SNAP91: variants seen among roughly 807,000 people sequenced by gnomAD.
SNAP91 encodes synaptosome associated protein 91, also known as clathrin coat assembly protein AP180.
In SNAP91, 27 loss-of-function variants were observed where a neutral mutation model predicts 100.3. The observed-to-expected ratio is 0.27, with a 90% confidence interval of 0.20 to 0.37. The LOEUF is 0.37. SNAP91 is among the 10% of genes least tolerant of loss of function. The pLI, the probability that SNAP91 is intolerant of heterozygous loss-of-function variation, is 1.00. For missense variants in SNAP91, 986 were observed against 1,123.7 expected (o/e 0.88, Z 1.75); for synonymous variants, 404 against 398.6 (o/e 1.01, Z -0.16).
In SNAP91 at chr6:83,657,516, G is replaced by T. The variant is rs539337777; in HGVS notation, c.547-651C>A. Among the ~76,000 whole-genome samples the T allele has an allele frequency of 7.2e-5, 11 of 152,286 alleles. No homozygotes were observed. The East Asian group carries it at 2.1e-3, about 29-fold the overall frequency. ...TAAAAGGCAATTCGACAGATACTTAGTGAAGTCCTTATCATAAAATCTGTT... is the reference window on the plus strand; with the variant it reads ...TAAAAGGCAATTCGACAGATACTTATTGAAGTCCTTATCATAAAATCTGTT... On this transcript the variant is annotated intron_variant, in intron 6 of 29. Coordinates refer to ENST00000369694, the MANE Select transcript of SNAP91 (RefSeq NM_001242792.2).
chr6:83,597,430 A>G (rs1004515341), intron 16 of SNAP91, among the ~76,000 whole-genome samples: 1 of 152,230 alleles, frequency 6.6e-6, no homozygotes, highest in Non-Finnish European at 1.5e-5. Flanking sequence ...ATTGCAAACT[A>G]AAGTTATTTC....
At chr6:83,677,758 G>A (rs2098930914) in intron 2 of SNAP91, among the ~76,000 whole-genome samples, 3 of 152,180 alleles carry the variant, frequency 2.0e-5, no homozygotes, top group South Asian at 4.1e-4. Flanking sequence ...CCTCTTTTGA[G>A]TGTTTTCTTA....
chr6:83,579,600 A>T (rs1052969554), intron 24 of SNAP91, among the ~76,000 whole-genome samples: 1 of 152,154 alleles, frequency 6.6e-6, no homozygotes, highest in Non-Finnish European at 1.5e-5. Context: ...ATTCAGAATT[A>T]AGAGCAAAGG....
intron 2 of SNAP91, among the ~76,000 whole-genome samples, chr6:83,694,384 T>C (rs2099168112): frequency 6.6e-6 from 1 of 152,164 alleles, no homozygotes. Flanking sequence ...TGACAGAATT[T>C]CTAGAAAGGA....
chr6:83,593,553 C>A lies in SNAP91; in HGVS notation c.1621G>T (p.Ala541Ser), dbSNP rs375944875. 1.9e-6 allele frequency: 3 copies of A among 1,553,720 alleles called. No homozygotes were observed. In the East Asian group the frequency reaches 7.3e-5, roughly 38 times the overall value. ...AAAAATTAAT[A>S]AATTTTTTSA... ...GTGGTGGTAGTGGTGGTGGCAGCGGCGGTGGCAGCAGTAGTGGCAGCAGCA... is the reference window on the plus strand; with the variant it reads ...GTGGTGGTAGTGGTGGTGGCAGCGGAGGTGGCAGCAGTAGTGGCAGCAGCA... Residue 541 changes from alanine (A) to serine (S), a missense_variant, in exon 18 of 30, where the codon GCC becomes TCC. Transcript: ENST00000369694.
chr6:83,652,020 T>C (rs1340744127), intron 7 of SNAP91, among the ~76,000 whole-genome samples: 1 of 152,198 alleles, frequency 6.6e-6, no homozygotes, highest in Non-Finnish European at 1.5e-5. Flanking sequence ...TAACTACTCT[T>C]GCTTTATTTT....
intron 2 of SNAP91, among the ~76,000 whole-genome samples, chr6:83,691,891 CAA>C (rs2099135244): frequency 6.6e-6 from 1 of 152,080 alleles, no homozygotes; most frequent in Non-Finnish European, 1.5e-5. Context: ...ACAGACACTC[CAA>C]AGTCATTTTT....
Position 83,592,517 on chromosome 6 carries a change from G to C in SNAP91, c.1868C>G (p.Ser623Cys). The C allele has an allele frequency of 6.2e-7, 1 of 1,609,758 alleles. No individual in the cohort carries two copies. The highest frequency in any genetic ancestry group is 1.1e-5 in the South Asian group (1 of 89,664). ...LLSVDAFAAP[S>C]PATTASPAKV... ...TGCTGGCGAGGCAGTGGTTGCAGGA[G>C]ATGGTGCTGCAAATGCATCCACTGC... Residue 623 changes from serine (S) to cysteine (C), a missense_variant, in exon 21 of 30, where the codon TCT (serine) becomes TGT (cysteine). Physicochemically the swap from Ser to Cys is moderately radical, Grantham distance 112. Transcript: ENST00000369694.
intron 2 of SNAP91, among the ~76,000 whole-genome samples, chr6:83,672,612 T>A (rs2098803808): frequency 6.6e-6 from 1 of 152,138 alleles, no homozygotes; most frequent in South Asian, 2.1e-4. Flanking sequence ...GGATCCCTAG[T>A]ACCTACCACA....
intron 13 of SNAP91, 91 bp from the exon 14 acceptor site, chr6:83,605,894 T>C (rs1562310162): frequency 9.6e-7 from 1 of 1,036,736 alleles, no homozygotes; most frequent in Non-Finnish European, 1.4e-6. Flanking sequence ...TCATCAAAGA[T>C]TTTAGGTATT....
chr6:83,677,052 GAA>G (rs2098918115), intron 2 of SNAP91, among the ~76,000 whole-genome samples: 1 of 152,110 alleles, frequency 6.6e-6, no homozygotes, highest in Admixed American at 6.6e-5. Flanking sequence ...CTGGAAAAAG[GAA>G]AGAAAAACAC....
intron 6 of SNAP91, among the ~76,000 whole-genome samples, chr6:83,658,666 G>A (rs1451869779): frequency 6.6e-6 from 1 of 152,054 alleles, no homozygotes; most frequent in African/African-American, 2.4e-5. Flanking sequence ...ATTTCTAACA[G>A]CAGGTCAAGT....
chr6:83,595,032 C>A (rs774506272), intron 16 of SNAP91, among the ~76,000 whole-genome samples: 12 of 152,088 alleles, frequency 7.9e-5, no homozygotes, highest in Non-Finnish European at 1.2e-4. Context: ...GTTTACTAAG[C>A]ATTCCTAAGT....
chr6:83,672,164 C>T (rs2098796965), intron 2 of SNAP91, among the ~76,000 whole-genome samples: 1 of 152,248 alleles, frequency 6.6e-6, no homozygotes, highest in East Asian at 1.9e-4. Flanking sequence ...CCTTTACGTG[C>T]TATTCTCATT....
At chr6:83,662,098 A>AACTGTGGG (rs1315913883) in intron 4 of SNAP91, among the ~76,000 whole-genome samples, 1 of 152,168 alleles carries the variant, frequency 6.6e-6, no homozygotes, top group Non-Finnish European at 1.5e-5. Flanking sequence ...CATAAAAAAC[A>AACTGTGGG]ACTGTGGGTC....
In SNAP91 at chr6:83,628,043, T is replaced by A. The variant is rs948879178; in HGVS notation, c.766-4701A>T. Among the ~76,000 whole-genome samples, 3 of 151,698 alleles carry A rather than the reference T, an allele frequency of 2.0e-5. No homozygotes were observed. The South Asian group carries it at 6.2e-4, about 31-fold the overall frequency. On this transcript the variant is annotated intron_variant, in intron 8 of 29. Coordinates refer to ENST00000369694, the MANE Select transcript of SNAP91 (RefSeq NM_001242792.2). The stretch of plus-strand genomic sequence containing the variant: ...CCCCTGATTTCCTCAAAGCCCATTG[T>A]GTCATTCTTATGCCTTTGCATCCTC...
intron 2 of SNAP91, among the ~76,000 whole-genome samples, chr6:83,699,386 T>C (rs755099591): frequency 5.9e-5 from 9 of 151,422 alleles, no homozygotes; most frequent in Non-Finnish European, 2.9e-5. Context: ...AAACAAAAAA[T>C]ATAAATAAAT....
chr6:83,599,404 T>C (rs943301301), intron 16 of SNAP91, among the ~76,000 whole-genome samples: 2 of 152,212 alleles, frequency 1.3e-5, no homozygotes, highest in African/African-American at 4.8e-5. Flanking sequence ...CCTTACTTTT[T>C]TTCTGTTAAC....
chr6:83,699,679 A>T (rs1402886108), intron 2 of SNAP91, among the ~76,000 whole-genome samples: 1 of 152,176 alleles, frequency 6.6e-6, no homozygotes, highest in Non-Finnish European at 1.5e-5. Flanking sequence ...TCTCAGATTT[A>T]AAAAACCCAA....
Sources: allele counts gnomAD v4.1 joint callset (sites outside exome capture counted in the v4.1 genomes callset), GRCh38; gene constraint gnomAD v4.1.1; transcripts MANE v1.5; gene names NCBI Gene and HGNC (gene_info 2026-07-23, HGNC 2026-07-21).